The following MICU1 variants were observed in gnomAD, a reference collection of about 807,000 sequenced individuals.
The protein encoded by MICU1 is mitochondrial calcium uptake 1, also known as calcium uptake protein 1, mitochondrial.
In MICU1, 45 loss-of-function variants were observed where a neutral mutation model predicts 56.8. That is an observed-to-expected ratio of 0.79 (90% confidence interval 0.62 to 1.02). MICU1 has a LOEUF of 1.02. Among genes scored for constraint, MICU1 ranks in the 50% least tolerant of loss-of-function variants. MICU1 has a pLI of 0.00. For missense variants in MICU1, 504 were observed against 587.1 expected (o/e 0.86, Z 1.46); for synonymous variants, 186 against 195.1 (o/e 0.95, Z 0.39).
intron 3 of MICU1, among the ~76,000 whole-genome samples, chr10:72,557,275 C>G (rs1840182336): frequency 6.6e-6 from 1 of 152,178 alleles, no homozygotes. Flanking sequence ...TTCATGTACT[C>G]AAGTTCAAGG....
intron 9 of MICU1, among the ~76,000 whole-genome samples, chr10:72,420,600 C>T (rs1864126545): frequency 6.6e-6 from 1 of 151,800 alleles, no homozygotes; most frequent in African/African-American, 2.4e-5. Context: ...GAGTACTGGG[C>T]TGGGAATGAG....
At chr10:72,547,495 TATCA>T (rs1451613080) in intron 4 of MICU1, among the ~76,000 whole-genome samples, 7 of 150,552 alleles carry the variant, frequency 4.6e-5, no homozygotes, top group Non-Finnish European at 7.4e-5. Flanking sequence ...AACTCATCAC[TATCA>T]ATCAATACAT....
chr10:72,463,921 T>C (rs1218366331), intron 8 of MICU1, among the ~76,000 whole-genome samples: 2 of 152,214 alleles, frequency 1.3e-5, no homozygotes, highest in African/African-American at 2.4e-5. Context: ...TTTTATACCA[T>C]ATTTTTACTC....
At chr10:72,506,591 A>T (rs1427862999) in intron 6 of MICU1, among the ~76,000 whole-genome samples, 3 of 152,226 alleles carry the variant, frequency 2.0e-5, no homozygotes, top group Non-Finnish European at 4.4e-5. Flanking sequence ...GTTGTGACAG[A>T]ATAAAAAAAT....
chr10:72,567,277 G>A (rs1251319866), intron 1 of MICU1, among the ~76,000 whole-genome samples: 1 of 152,112 alleles, frequency 6.6e-6, no homozygotes, highest in African/African-American at 2.4e-5. Context: ...CCAGGATGTT[G>A]AGGTGACAGT....
At chr10:72,387,254 G>C (rs1405633285) in intron 10 of MICU1, among the ~76,000 whole-genome samples, 1 of 152,342 alleles carries the variant, frequency 6.6e-6, no homozygotes, top group East Asian at 1.9e-4. Flanking sequence ...GGTCAGAGTA[G>C]TGACCTGCTC....
chr10:72,392,298 C>T (rs1275580283), intron 10 of MICU1, among the ~76,000 whole-genome samples: 1 of 152,130 alleles, frequency 6.6e-6, no homozygotes, highest in Non-Finnish European at 1.5e-5. Flanking sequence ...GGGCCAGGCA[C>T]AGTGGCTCAT....
At chr10:72,501,994 A>G (rs752076877) in intron 6 of MICU1, among the ~76,000 whole-genome samples, 3 of 152,168 alleles carry the variant, frequency 2.0e-5, no homozygotes, top group Admixed American at 6.5e-5. Flanking sequence ...ATGATTTCCT[A>G]TATGTAGTTG....
chr10:72,435,385 CAAAAAAAAAAAAA>C (rs34955776), intron 8 of MICU1, among the ~76,000 whole-genome samples: 5 of 48,082 alleles, frequency 1.0e-4, no homozygotes, highest in East Asian at 8.1e-4. Context: ...GACCCTGTTA[CAAAAAAAAAAAAA>C]AAAAAAAAAA....
At chr10:72,547,416 T>C (rs1405844292) in intron 4 of MICU1, among the ~76,000 whole-genome samples, 1 of 152,002 alleles carries the variant, frequency 6.6e-6, no homozygotes, top group Non-Finnish European at 1.5e-5. Flanking sequence ...TATAAAAGAT[T>C]ATTTAAGAGG....
In MICU1 at chr10:72,427,731, A is replaced by AAAAT. The variant is rs1491112212; in HGVS notation, c.934-4364_934-4361dup. Among the ~76,000 whole-genome samples the AAAAT allele has an allele frequency of 1.8e-3, 214 of 119,370 alleles. 1 individual carries two copies. Among genetic ancestry groups the AAAAT allele is most frequent in the East Asian group, 5.8e-3 (18 of 3,096 alleles). The allele number at this position is 119,370 out of a possible 152,430, so 78.3% of individuals were successfully genotyped here. A position where few individuals can be genotyped will look rare whatever the true frequency, so the allele number is the denominator to read the frequency against. ...CTTCAGCATCATAGACCCCATCTCT[A>AAAAT]AAATATATATATATATATATATATA... On this transcript the variant is annotated intron_variant, in intron 8 of 11. Transcript: ENST00000361114.
chr10:72,498,291 AG>A (rs1345417529), intron 6 of MICU1, among the ~76,000 whole-genome samples: 3 of 152,182 alleles, frequency 2.0e-5, no homozygotes, highest in Non-Finnish European at 4.4e-5. Flanking sequence ...GGCCTAAGAA[AG>A]AAGGAAGCCT....
chr10:72,442,082 G>A (rs935210547), intron 8 of MICU1, among the ~76,000 whole-genome samples: 1 of 152,058 alleles, frequency 6.6e-6, no homozygotes, highest in African/African-American at 2.4e-5. Context: ...ATTTTCAGTG[G>A]GCTCCAGCAT....
At chr10:72,499,331 G>C (rs1365206483) in intron 6 of MICU1, among the ~76,000 whole-genome samples, 1 of 152,076 alleles carries the variant, frequency 6.6e-6, no homozygotes, top group Non-Finnish European at 1.5e-5. Context: ...TTTCTTGCTT[G>C]AATGAATTCA....
chr10:72,374,976 A>G (rs990935193), intron 11 of MICU1, among the ~76,000 whole-genome samples: 1 of 151,160 alleles, frequency 6.6e-6, no homozygotes, highest in African/African-American at 2.4e-5. Context: ...GTGCCTGGCT[A>G]ATTTTTGTAT....
At chr10:72,569,163 C>T (rs1758846581) in intron 1 of MICU1, among the ~76,000 whole-genome samples, 1 of 138,724 alleles carries the variant, frequency 7.2e-6, no homozygotes, top group South Asian at 2.3e-4. Flanking sequence ...AAGATAAATA[C>T]AAAACACTTT....
At chr10:72,616,624 A>G (rs1841988128) in intron 1 of MICU1, among the ~76,000 whole-genome samples, 1 of 151,562 alleles carries the variant, frequency 6.6e-6, no homozygotes, top group Non-Finnish European at 1.5e-5. Flanking sequence ...AATGACCTAT[A>G]AAGATGGTTT....
chr10:72,624,183 T>C (rs1842175785), intron 1 of MICU1, among the ~76,000 whole-genome samples: 1 of 152,178 alleles, frequency 6.6e-6, no homozygotes, highest in Non-Finnish European at 1.5e-5. Context: ...AGAAATTTCA[T>C]ATCGTTTTAT....
intron 8 of MICU1, among the ~76,000 whole-genome samples, chr10:72,449,393 G>A (rs1865224864): frequency 6.6e-6 from 1 of 151,688 alleles, no homozygotes; most frequent in Non-Finnish European, 1.5e-5. Context: ...GCAAGACTCT[G>A]TCTCAAAAAA....
Sources: gnomAD v4.1 joint callset for allele counts (sites outside exome capture counted in the v4.1 genomes callset) on GRCh38, gnomAD v4.1.1 for gene constraint, MANE v1.5 for transcripts, NCBI Gene and HGNC (gene_info 2026-07-23, HGNC 2026-07-21) for gene names.